The following PRR12 variants were observed in gnomAD, a reference collection of about 807,000 sequenced individuals.
PRR12 encodes the protein proline rich 12.
A neutral mutation model predicts 138.0 loss-of-function variants in PRR12; 12 were observed. That is an observed-to-expected ratio of 0.09 (90% CI 0.06 to 0.14). PRR12 has a LOEUF of 0.14. PRR12 is among the 10% of genes least tolerant of loss of function. PRR12 has a pLI of 1.00. For missense variants in PRR12, 2,692 were observed against 2,861.3 expected (o/e 0.94, Z 1.35); for synonymous variants, 1,567 against 1,291.7 (o/e 1.21, Z -4.57).
chr19:49,609,204 A>G (rs2080853293), intron 6 of PRR12, among the ~76,000 whole-genome samples: 1 of 152,116 alleles, frequency 6.6e-6, no homozygotes, highest in African/African-American at 2.4e-5. Flanking sequence ...ATTCCCAGCT[A>G]CCCTAGAGGC....
chr19:49,620,621 G>T, intron 10 of PRR12, 144 bp downstream of exon 10: 1 of 1,246,426 alleles, frequency 8.0e-7, no homozygotes, highest in Non-Finnish European at 1.1e-6. Context: ...GCCTGGACCT[G>T]GGTCTGAGAG....
Position 49,597,146 on chromosome 19 carries a change from C to G in PRR12, c.2811C>G (p.Ser937=). Residue 937 remains serine (S), a synonymous_variant, in exon 4 of 14, where the codon TCC becomes TCG. Transcript: ENST00000418929. This position sits in a 1 kb window ranked among gnomAD's most constrained non-coding sequence, Gnocchi z 6.3. ...TCACCTCCATCTGCTTCCCTGACTC[C>G]TTGCTCCAAGACGAGGAGCGCAGCT... The part of the protein sequence containing the change: ...VPLTSICFPD[S]LLQDEERSFF... 1.9e-6 allele frequency: 3 copies of G among 1,551,814 alleles called. No individual in the cohort carries two copies. Among genetic ancestry groups the G allele is most frequent in the Non-Finnish European group, 2.6e-6 (3 of 1,147,804 alleles).
At position 49,594,966 on chromosome 19, in the gene PRR12, G is replaced by T. The variant is rs1485921832; in HGVS notation, c.631G>T (p.Gly211Cys). The change falls in exon 4 of 14, where the codon GGC becomes TGC. Residue 211 changes from glycine to cysteine, a missense_variant. By Grantham distance (159) the Gly-to-Cys change is radical (BLOSUM62 -3). Around this residue, in one of 11 missense-constraint regions of PRR12, gnomAD observed 523 missense variants for 496.4 expected, o/e 1.05. Coordinates refer to ENST00000418929, the MANE Select transcript of PRR12 (RefSeq NM_020719.3). The surrounding 1 kb of genome is among the most constrained non-coding windows in gnomAD (Gnocchi z 5.6). ...ACTGGGCTTCGAGCGCCTGGCAGGG[G>T]GCGGTGTCTTGGGGCCAGCTGGTCT... Reference protein sequence around the residue: ...SSLGFERLAGGGVLGPAGLGP... With the variant: ...SSLGFERLAGCGVLGPAGLGP... 1 of 1,599,946 alleles carries T rather than the reference G, an allele frequency of 6.3e-7. No homozygotes were observed.
Position 49,599,712 on chromosome 19 carries a change from C to T in PRR12, c.4119C>T (p.Asn1373=). Residue 1373 remains asparagine, a synonymous_variant, in exon 5 of 14, where the codon AAC becomes AAT. Coordinates refer to ENST00000418929, the MANE Select transcript of PRR12 (RefSeq NM_020719.3). The surrounding 1 kb of genome is among the most constrained non-coding windows in gnomAD (Gnocchi z 5.0). ...GGCTTGATGAGGAGCTGAAGCGGAA[C>T]CTCGAGACGCTGCCCTCCTTCTCCT... ...CKRLDEELKR[N]LETLPSFSSD... 8 of 1,613,564 alleles carry T rather than the reference C, an allele frequency of 5.0e-6. No individual in the cohort carries two copies. The highest frequency in any genetic ancestry group is 6.8e-6 in the Non-Finnish European group (8 of 1,179,886).
chr19:49,612,278 C>T (rs2080870886), intron 6 of PRR12, among the ~76,000 whole-genome samples: 1 of 151,376 alleles, frequency 6.6e-6, no homozygotes, highest in Non-Finnish European at 1.5e-5. Context: ...GGTCAAGTCT[C>T]CAATCAGCTG....
Position 49,595,961 on chromosome 19 carries a change from G to A in PRR12, c.1626G>A (p.Ser542=), listed in dbSNP as rs143035740. Residue 542 remains serine (S), a synonymous_variant, in exon 4 of 14, where the codon TCG becomes TCA. Transcript: ENST00000418929. ...SYSTGHSPAL[S]GHGGGWGPSS... The stretch of plus-strand genomic sequence containing the variant: ...GTACCGGCCATTCCCCAGCGCTCTC[G>A]GGCCATGGGGGTGGCTGGGGACCCA... 18,213 of 1,600,544 alleles carry A rather than the reference G, an allele frequency of 0.011. 133 individuals carry two copies. Among genetic ancestry groups the A allele is most frequent in the Non-Finnish European group, 0.014 (16,048 of 1,179,632 alleles).
chr19:49,612,465 T>G (rs2080871818), intron 6 of PRR12, among the ~76,000 whole-genome samples: 1 of 151,942 alleles, frequency 6.6e-6, no homozygotes, highest in Non-Finnish European at 1.5e-5. Context: ...GCCTGATGAC[T>G]GGGTGTGGGG....
At chr19:49,619,959 C>T (rs909894283) in intron 9 of PRR12, among the ~76,000 whole-genome samples, 3 of 147,754 alleles carry the variant, frequency 2.0e-5, no homozygotes, top group African/African-American at 5.1e-5. Flanking sequence ...GGGTTCAAGC[C>T]GTCCTACCTC....
chr19:49,603,916 G>A (rs151153181), intron 6 of PRR12, among the ~76,000 whole-genome samples: 6,046 of 152,026 alleles, frequency 0.04, 143 homozygotes, highest in South Asian at 0.12. Flanking sequence ...TGCTGCCCGG[G>A]TTCAAGCGAT....
rs746772578 is a variant in PRR12, at chr19:49,597,011, G to C, written c.2676G>C (p.Pro892=). 3.9e-6 allele frequency: 6 copies of C among 1,556,824 alleles called. No homozygotes were observed. Among genetic ancestry groups the C allele is most frequent in the Non-Finnish European group, 5.2e-6 (6 of 1,153,358 alleles). ...ELLGALEPLP[P]APGDTGVGPP... is the part of the protein sequence containing the mutation. Reference sequence around the variant, plus strand: ...TCGGGGCTCTGGAGCCGCTGCCCCCGGCGCCTGGGGATACTGGCGTAGGCC... The same window carrying C: ...TCGGGGCTCTGGAGCCGCTGCCCCCCGCGCCTGGGGATACTGGCGTAGGCC... Residue 892 remains proline, a synonymous_variant, in exon 4 of 14, where the codon CCG becomes CCC. Transcript: ENST00000418929. The surrounding 1 kb of genome is among the most constrained non-coding windows in gnomAD (Gnocchi z 6.3).
chr19:49,598,751 G>A (rs928922376), intron 4 of PRR12, among the ~76,000 whole-genome samples: 1 of 152,224 alleles, frequency 6.6e-6, no homozygotes, highest in Admixed American at 6.5e-5. Context: ...GAGCCCAGGA[G>A]TTCAAGGCTG....
chr19:49,597,129 A>G lies in PRR12; in HGVS notation c.2794A>G (p.Ile932Val). ...KAPRFVPLTS[I>V]CFPDSLLQDE... ...GCCGCGTTTCGTGCCGCTCACCTCCATCTGCTTCCCTGACTCCTTGCTCCA... is the reference window on the plus strand; with the variant it reads ...GCCGCGTTTCGTGCCGCTCACCTCCGTCTGCTTCCCTGACTCCTTGCTCCA... The change falls in exon 4 of 14, where the codon ATC (isoleucine) becomes GTC (valine). Residue 932 changes from isoleucine to valine, a missense_variant. Transcript: ENST00000418929. This position sits in a 1 kb window ranked among gnomAD's most constrained non-coding sequence, Gnocchi z 6.3. The G allele has an allele frequency of 5.2e-6, 8 of 1,551,060 alleles. No homozygotes were observed. Among genetic ancestry groups the G allele is most frequent in the East Asian group, 2.4e-5 (1 of 41,016 alleles).
rs1183313220 is a variant in PRR12, at chr19:49,625,065, G to A, written c.5869-40G>A. ...GAAGGGAGGAGAGGGGCTGCCAAGT[G>A]CCGGGCTGGAGGGGCTGAGGCATCT... On this transcript the variant is annotated intron_variant, in intron 12 of 13. Transcript: ENST00000418929. The surrounding 1 kb of genome is among the most constrained non-coding windows in gnomAD (Gnocchi z 5.5). The A allele has an allele frequency of 6.2e-7, 1 of 1,612,316 alleles. No homozygotes were observed. The highest frequency in any genetic ancestry group is 1.1e-5 in the South Asian group (1 of 91,042).
rs1339573483 is a variant in PRR12, at chr19:49,599,428, T to A, written c.3835T>A (p.Ser1279Thr). Reference protein sequence around the residue: ...EVEEKQPEMKSGFMASFLDFL... With the variant: ...EVEEKQPEMKTGFMASFLDFL... ...GGAGGAGAAGCAGCCGGAGATGAAG[T>A]CGGGTTTCATGGCCTCCTTCTTGGA... is the stretch of plus-strand genomic sequence containing the variant. The change falls in exon 5 of 14, where the codon TCG becomes ACG. Residue 1279 changes from serine to threonine, a missense_variant. Ser to Thr is a moderately conservative substitution (Grantham distance 58, BLOSUM62 1). Transcript: ENST00000418929. The surrounding 1 kb of genome is among the most constrained non-coding windows in gnomAD (Gnocchi z 5.0). The A allele has an allele frequency of 6.8e-6, 11 of 1,609,146 alleles. No individual in the cohort carries two copies. The South Asian group carries it at 1.2e-4, about 18-fold the overall frequency.
Position 49,599,868 on chromosome 19 carries a change from C to T in PRR12, c.4275C>T (p.Ala1425=), listed in dbSNP as rs1007308658. 7 of 1,612,866 alleles carry T rather than the reference C, an allele frequency of 4.3e-6. No homozygotes were observed. The highest frequency in any genetic ancestry group is 5.9e-6 in the Non-Finnish European group (7 of 1,179,750). The change falls in exon 5 of 14, where the codon GCC becomes GCT. Residue 1425 remains alanine (A), a synonymous_variant. Transcript: ENST00000418929. This position sits in a 1 kb window ranked among gnomAD's most constrained non-coding sequence, Gnocchi z 5.0. ...CCACCCCAGATGGGCCGCCCTTGGCCCCCGCGGCTGCAGTTCCAGGGCCAC... is the reference window on the plus strand; with the variant it reads ...CCACCCCAGATGGGCCGCCCTTGGCTCCCGCGGCTGCAGTTCCAGGGCCAC... ...DTSTPDGPPL[A]PAAAVPGPPP... is the part of the protein sequence containing the mutation.
Position 49,595,766 on chromosome 19 carries a change from GGGCCCCCCACAGCCCCCCAGC to G in PRR12, c.1440_1460del (p.Gln481_Pro487del), listed in dbSNP as rs1228273902. 2 of 1,602,208 alleles carry G rather than the reference GGGCCCCCCACAGCCCCCCAGC, an allele frequency of 1.2e-6. No homozygotes were observed. Among genetic ancestry groups the G allele is most frequent in the Non-Finnish European group, 1.7e-6 (2 of 1,175,160 alleles). On this transcript the variant is annotated inframe_deletion, in exon 4 of 14. Transcript: ENST00000418929. The stretch of plus-strand genomic sequence containing the variant: ...TGAGCAAAGCCCCCAGCTACTCAGG[GGGCCCCCCACAGCCCCCCAGC>G]GGCCCCCCTCCTCCTGGCCTGGCCA...
At chr19:49,598,608 C>T (rs1335665482) in intron 4 of PRR12, among the ~76,000 whole-genome samples, 9 of 152,162 alleles carry the variant, frequency 5.9e-5, no homozygotes, top group Middle Eastern at 6.8e-3. Flanking sequence ...TCTCTTGAAC[C>T]CAGATGTTCG....
intron 6 of PRR12, among the ~76,000 whole-genome samples, chr19:49,613,964 C>T (rs1018472193): frequency 4.6e-5 from 7 of 152,068 alleles, no homozygotes; most frequent in South Asian, 2.1e-4. Flanking sequence ...CAAAATTAGT[C>T]GGGTGTGGTG....
At chr19:49,600,072 G>A in intron 5 of PRR12, 134 bp downstream of exon 5, 1 of 1,037,002 alleles carries the variant, frequency 9.6e-7, no homozygotes, top group South Asian at 1.8e-5. Context: ...TTTATGAAGG[G>A]ACTTTCCTGA....
Sources: allele counts gnomAD v4.1 joint callset (sites outside exome capture counted in the v4.1 genomes callset), GRCh38; gene constraint gnomAD v4.1.1; regional missense constraint gnomAD v4.1.1; non-coding constraint Gnocchi (gnomAD v3.1); transcripts MANE v1.5; gene names NCBI Gene and HGNC (gene_info 2026-07-23, HGNC 2026-07-21).